The following FBH1 variants were observed in gnomAD, a reference collection of about 807,000 sequenced individuals.
The protein encoded by FBH1 is F-box DNA helicase 1.
FBH1 carries 43 observed loss-of-function variants against 115.5 expected under a neutral mutation model. The ratio of observed to expected loss-of-function variants is 0.37; its 90% confidence interval spans 0.29 to 0.48. FBH1 has a LOEUF of 0.48. Ranked by LOEUF, FBH1 falls within the 20% of genes least tolerant of loss-of-function variation. FBH1 has a pLI of 0.99. For synonymous variants in FBH1, 524 were observed against 507.8 expected (o/e 1.03, Z -0.43); for missense variants, 1,001 against 1,337.3 (o/e 0.75, Z 3.92).
intron 3 of FBH1, among the ~76,000 whole-genome samples, chr10:5,907,983 C>T (rs1564441696): frequency 6.6e-6 from 1 of 152,136 alleles, no homozygotes; most frequent in Non-Finnish European, 1.5e-5. Context: ...GTATATTTTG[C>T]TGTTGTTGGG....
chr10:5,923,934 A>G lies in FBH1; in HGVS notation c.2398+238A>G, dbSNP rs73616470. 5.2e-6 allele frequency: 3 copies of G among 574,936 alleles called. No homozygotes were observed. Among genetic ancestry groups the G allele is most frequent in the Non-Finnish European group, 9.2e-6 (3 of 325,046 alleles). 35.6% of individuals were successfully genotyped at this position (574,936 alleles called of 1,614,324 possible). ...TCTCTTTCCAACACTGGTCCCATAG[A>G]CTGTCTTCCCCTGCATCCTTCTGTC... On this transcript the variant is annotated intron_variant, in intron 16 of 20. Transcript: ENST00000362091. This position sits in a 1 kb window ranked among gnomAD's most constrained non-coding sequence, Gnocchi z 5.7.
intron 1 of FBH1, among the ~76,000 whole-genome samples, chr10:5,891,517 C>A (rs1442040073): frequency 2.6e-5 from 4 of 152,232 alleles, no homozygotes; most frequent in African/African-American, 9.6e-5. Flanking sequence ...CTGCCCCTCT[C>A]CCAGTTTCAG....
chr10:5,927,334 G>A (rs1832715735), intron 18 of FBH1, 101 bp from the exon 19 acceptor site: 4 of 783,814 alleles, frequency 5.1e-6, no homozygotes, highest in Admixed American at 6.4e-5. Context: ...GGTTTTCTGC[G>A]GGGAATGGGT....
At chr10:5,894,080 G>A (rs1238307869) in intron 1 of FBH1, 2 of 985,306 alleles carry the variant, frequency 2.0e-6, no homozygotes, top group Non-Finnish European at 2.4e-6. Flanking sequence ...GGATCCCGGG[G>A]AGATTGAGCT....
rs1305330237 is a variant in FBH1 at position 5,913,840 on chromosome 10, G to C, written c.1304+1G>C. 6.3e-7 allele frequency: 1 copy of C among 1,596,336 alleles called. No individual in the cohort carries two copies. The highest frequency in any genetic ancestry group is 8.5e-7 in the Non-Finnish European group (1 of 1,173,106). ...AAGAGGAGCCATCTGTCTGGCCAGGGTATGTGTATATGTGCGTCAGCGTGT... is the reference window on the plus strand; with the variant it reads ...AAGAGGAGCCATCTGTCTGGCCAGGCTATGTGTATATGTGCGTCAGCGTGT... On this transcript the variant is annotated splice_donor_variant, in intron 7 of 20. Transcript: ENST00000362091. LOFTEE classifies it high-confidence loss of function. The surrounding 1 kb of genome is among the most constrained non-coding windows in gnomAD (Gnocchi z 4.4).
At chr10:5,904,974 T>G (rs1231173677) in intron 2 of FBH1, among the ~76,000 whole-genome samples, 31 of 152,238 alleles carry the variant, frequency 2.0e-4, no homozygotes, top group Non-Finnish European at 2.9e-5. Context: ...GAACTATGTA[T>G]TATTGATAAA....
In FBH1 at chr10:5,937,451, C is replaced by T. The variant is rs1487671436; in HGVS notation, c.*171C>T. ...CTGCCATTTCTCCACTCCCTACAGA[C>T]AGCCAGTCTCCACTTGCCTCCCCTC... On this transcript the variant is annotated 3_prime_UTR_variant, in exon 21 of 21. Transcript: ENST00000362091. The T allele has an allele frequency of 3.5e-6, 2 of 573,322 alleles. No homozygotes were observed. The highest frequency in any genetic ancestry group is 5.4e-6 in the Non-Finnish European group (2 of 368,604). 35.5% of individuals were successfully genotyped at this position (573,322 alleles called of 1,614,324 possible).
In FBH1 at chr10:5,925,704, C is replaced by T. The variant is rs1210955080; in HGVS notation, c.2722+212C>T. Among the ~76,000 whole-genome samples, 1 of 152,204 alleles carries T rather than the reference C, an allele frequency of 6.6e-6. No individual in the cohort carries two copies. The highest frequency in any genetic ancestry group is 2.4e-5 in the African/African-American group (1 of 41,456). The stretch of plus-strand genomic sequence containing the variant: ...AACAAAACTTCCTCAAGGTGCACCC[C>T]TCTGGGGGCTGCGTGTGGGATGATG... On this transcript the variant is annotated intron_variant, in intron 18 of 20. Transcript: ENST00000362091. The surrounding 1 kb of genome is among the most constrained non-coding windows in gnomAD (Gnocchi z 4.6).
rs79705396 is a variant in FBH1 at position 5,932,776 on chromosome 10, G to A, written c.2830-3680G>A. Among the ~76,000 whole-genome samples, 1,797 of 152,148 alleles carry A rather than the reference G, an allele frequency of 0.012. 21 individuals are homozygous for A. Among genetic ancestry groups the A allele is most frequent in the Non-Finnish European group, 0.018 (1,205 of 68,000 alleles). ...TCTGTCACCCAGGCTGGAATATGGC[G>A]GCACAATCTTGGCCCACTGCAACCT... On this transcript the variant is annotated intron_variant, in intron 19 of 20. Transcript: ENST00000362091. The surrounding 1 kb of genome is among the most constrained non-coding windows in gnomAD (Gnocchi z 5.9).
intron 19 of FBH1, chr10:5,929,906 A>G (rs1564463547): frequency 6.6e-6 from 1 of 152,066 alleles, no homozygotes; most frequent in South Asian, 2.1e-4. Flanking sequence ...ACTTTTTTAG[A>G]CCCTCCAGTA....
At chr10:5,899,363 T>C (rs1161549289) in intron 1 of FBH1, among the ~76,000 whole-genome samples, 2 of 152,234 alleles carry the variant, frequency 1.3e-5, no homozygotes, top group Non-Finnish European at 2.9e-5. Context: ...CATGAAAGCT[T>C]TTCTTCTCCA....
rs1457079741 is a variant in FBH1 at position 5,895,142 on chromosome 10, C to G, written c.1+4796C>G. On this transcript the variant is annotated intron_variant, in intron 1 of 20. Coordinates refer to ENST00000362091, the MANE Select transcript of FBH1 (RefSeq NM_178150.3). This position sits in a 1 kb window ranked among gnomAD's most constrained non-coding sequence, Gnocchi z 5.0. ...CCTGGGCCATCTCCACAGGAGATGCCAGAGGACGAGTGCCCACTTGCTGGT... is the reference window on the plus strand; with the variant it reads ...CCTGGGCCATCTCCACAGGAGATGCGAGAGGACGAGTGCCCACTTGCTGGT... 1 of 1,613,822 alleles carries G rather than the reference C, an allele frequency of 6.2e-7. No individual in the cohort carries two copies. The highest frequency in any genetic ancestry group is 8.5e-7 in the Non-Finnish European group (1 of 1,179,874).
At position 5,921,247 on chromosome 10, in the gene FBH1, G is replaced by A. The variant is rs1241787321; in HGVS notation, c.2101-11G>A. ...GCGGGCTGCTGACTCCCTCTGTCTT[G>A]TTGTTTTCAGAGTTTTCGGTTTGGT... is the stretch of plus-strand genomic sequence containing the variant. On this transcript the variant is annotated splice_polypyrimidine_tract_variant and intron_variant, in intron 13 of 20. Coordinates refer to ENST00000362091, the MANE Select transcript of FBH1 (RefSeq NM_178150.3). This position sits in a 1 kb window ranked among gnomAD's most constrained non-coding sequence, Gnocchi z 6.4. 1 of 1,613,670 alleles carries A rather than the reference G, an allele frequency of 6.2e-7. No individual in the cohort carries two copies. Among genetic ancestry groups the A allele is most frequent in the Middle Eastern group, 1.7e-4 (1 of 6,060 alleles).
chr10:5,927,515 T>C lies in FBH1; in HGVS notation c.2803T>C (p.Leu935=), dbSNP rs1811135960. ...GAAGCGTCTCATCATGACCAAATCA[T>C]TGGAAAACATTTTGACTTTGGCTGG... The part of the protein sequence containing the change: ...AKKRLIMTKS[L]ENILTLAGEY... Residue 935 remains leucine, a synonymous_variant, in exon 19 of 21, where the codon TTG becomes CTG. Transcript: ENST00000362091. 1 of 1,613,018 alleles carries C rather than the reference T, an allele frequency of 6.2e-7. No individual in the cohort carries two copies. The highest frequency in any genetic ancestry group is 1.1e-5 in the South Asian group (1 of 90,784).
At chr10:5,905,597 C>T (rs7902223) in intron 2 of FBH1, among the ~76,000 whole-genome samples, 2 of 152,020 alleles carry the variant, frequency 1.3e-5, no homozygotes, top group Admixed American at 6.6e-5. Flanking sequence ...TGAGATTTTC[C>T]GAATCCTGAT....
In FBH1 at chr10:5,932,730, G is replaced by GTTTT. The variant is rs910724544; in HGVS notation, c.2830-3724_2830-3721dup. Among the ~76,000 whole-genome samples, 4 of 152,040 alleles carry GTTTT rather than the reference G, an allele frequency of 2.6e-5. No individual in the cohort carries two copies. Among genetic ancestry groups the GTTTT allele is most frequent in the African/African-American group, 9.6e-5 (4 of 41,476 alleles). ...CTTTTCTGTTGTTTTGTTTTGTTTT[G>GTTTT]TTTTTGAGACAAGGCCTGGCTCTGT... On this transcript the variant is annotated intron_variant, in intron 19 of 20. Coordinates refer to ENST00000362091, the MANE Select transcript of FBH1 (RefSeq NM_178150.3). The surrounding 1 kb of genome is among the most constrained non-coding windows in gnomAD (Gnocchi z 5.9).
At chr10:5,894,828 A>ATGT (rs1842918016) in intron 1 of FBH1, among the ~76,000 whole-genome samples, 1 of 152,262 alleles carries the variant, frequency 6.6e-6, no homozygotes, top group African/African-American at 2.4e-5. Context: ...GACTTATACA[A>ATGT]ATAATTGTTA....
In FBH1 at chr10:5,924,134, A is replaced by G. The variant is rs1254040693; in HGVS notation, c.2399-177A>G. 2 of 625,928 alleles carry G rather than the reference A, an allele frequency of 3.2e-6. No homozygotes were observed. Among genetic ancestry groups the G allele is most frequent in the African/African-American group, 1.8e-5 (1 of 54,440 alleles). The allele number at this position is 625,928 out of a possible 1,614,324, so 38.8% of individuals were successfully genotyped here. On this transcript the variant is annotated intron_variant, in intron 16 of 20. Coordinates refer to ENST00000362091, the MANE Select transcript of FBH1 (RefSeq NM_178150.3). This position sits in a 1 kb window ranked among gnomAD's most constrained non-coding sequence, Gnocchi z 6.2. ...CAGTCGGAGACGGAGAGGCTACTGC[A>G]CTGCACTGACTTGCCCAGGGACACA...
chr10:5,916,574 G>GGATGGGGAAAT, intron 10 of FBH1, 118 bp downstream of exon 10: 1 of 775,130 alleles, frequency 1.3e-6, no homozygotes, highest in African/African-American at 2.6e-5. Context: ...TGGGGAAACA[G>GGATGGGGAAAT]GGGAAGTGTT....
Sources: gnomAD v4.1 joint callset for allele counts (sites outside exome capture counted in the v4.1 genomes callset) on GRCh38, gnomAD v4.1.1 for gene constraint, Gnocchi (gnomAD v3.1) non-coding constraint, MANE v1.5 for transcripts, NCBI Gene and HGNC (gene_info 2026-07-23, HGNC 2026-07-21) for gene names.